ALPK1: variants seen among roughly 807,000 people sequenced by gnomAD.
ALPK1 encodes the protein alpha-protein kinase 1.
In ALPK1, 110 loss-of-function variants were observed where a neutral mutation model predicts 120.6. The observed-to-expected ratio is 0.91, with a 90% confidence interval of 0.78 to 1.07. ALPK1 has a LOEUF of 1.07. Ranked by LOEUF, ALPK1 falls within the 50% of genes least tolerant of loss-of-function variation. The pLI is 0.00. For missense variants in ALPK1, 1,498 were observed against 1,483.9 expected, an observed-to-expected ratio of 1.01 and a Z score of -0.16; for synonymous variants, 582 against 560.3, an observed-to-expected ratio of 1.04 and a Z score of -0.55.
chr4:112,349,539 G>A (rs1020902649), intron 2 of ALPK1, among the ~76,000 whole-genome samples: 4 of 111,642 alleles, frequency 3.6e-5, no homozygotes, highest in Middle Eastern at 4.6e-3. Context: ...TATTATTACC[G>A]CCCCAACCCC....
chr4:112,373,475 C>T (rs1156588498), intron 2 of ALPK1, among the ~76,000 whole-genome samples: 1 of 152,204 alleles, frequency 6.6e-6, no homozygotes, highest in African/African-American at 2.4e-5. Flanking sequence ...ACACCCAATC[C>T]ATGCAGAAAT....
chr4:112,330,616 C>T (rs182490090), intron 2 of ALPK1, among the ~76,000 whole-genome samples: 2 of 152,296 alleles, frequency 1.3e-5, no homozygotes, highest in Non-Finnish European at 2.9e-5. Context: ...CCCATGTGGC[C>T]TGTCCTTGGG....
Position 112,389,260 on chromosome 4 carries a change from A to G in ALPK1, c.276+6708A>G, listed in dbSNP as rs571717560. On this transcript the variant is annotated intron_variant, in intron 4 of 15. Transcript: ENST00000650871. ...GGGTTTCACCATGTTGGCCAGGATG[A>G]GCTCAATCTCCTGACCTTGTGATCC... Among the ~76,000 whole-genome samples the G allele has an allele frequency of 3.3e-5, 5 of 152,138 alleles. No homozygotes were observed. The South Asian group carries it at 1.0e-3, about 32-fold the overall frequency.
chr4:112,361,095 C>T (rs1560653270), intron 2 of ALPK1, among the ~76,000 whole-genome samples: 1 of 151,760 alleles, frequency 6.6e-6, no homozygotes, highest in Non-Finnish European at 1.5e-5. Context: ...GGAGGCAGGA[C>T]TAACTTGCAG....
chr4:112,406,830 C>T (rs977685416), intron 4 of ALPK1, among the ~76,000 whole-genome samples: 3 of 152,176 alleles, frequency 2.0e-5, no homozygotes, highest in African/African-American at 7.2e-5. Flanking sequence ...AAAAATCTCA[C>T]CAGATAGGTC....
At chr4:112,372,462 G>A (rs1049310318) in intron 2 of ALPK1, among the ~76,000 whole-genome samples, 1 of 152,002 alleles carries the variant, frequency 6.6e-6, no homozygotes, top group African/African-American at 2.4e-5. Context: ...ACCTGCATTG[G>A]CCTCCCAAAG....
At chr4:112,392,202 G>A (rs142733939) in intron 4 of ALPK1, among the ~76,000 whole-genome samples, 433 of 152,080 alleles carry the variant, frequency 2.8e-3, no homozygotes, top group Non-Finnish European at 5.1e-3. Context: ...AGTTCAATAG[G>A]TCCAAAACTG....
intron 10 of ALPK1, among the ~76,000 whole-genome samples, chr4:112,429,694 G>C (rs2148761467): frequency 6.6e-6 from 1 of 151,978 alleles, no homozygotes; most frequent in South Asian, 2.1e-4. Flanking sequence ...ATAAAAATTG[G>C]CCAGGTGTGG....
chr4:112,358,171 C>A, intron 2 of ALPK1: 4 of 620,694 alleles, frequency 6.4e-6, no homozygotes, highest in South Asian at 5.7e-5. Context: ...TGAACCAGGC[C>A]ATCGGGCAAG....
At chr4:112,432,675 A>G in intron 11 of ALPK1, 94 bp downstream of exon 11, 1 of 1,206,172 alleles carries the variant, frequency 8.3e-7, no homozygotes, top group Non-Finnish European at 1.2e-6. Context: ...AAAGCTCATG[A>G]AAGGTATAGA....
chr4:112,376,797 G>A (rs1731682102), intron 2 of ALPK1, among the ~76,000 whole-genome samples: 1 of 152,180 alleles, frequency 6.6e-6, no homozygotes, highest in African/African-American at 2.4e-5. Flanking sequence ...CCCTCCAGGA[G>A]TGTCTAAACC....
chr4:112,439,819 G>A lies in ALPK1; in HGVS notation c.3485G>A (p.Gly1162Asp). 1 of 1,611,492 alleles carries A rather than the reference G, an allele frequency of 6.2e-7. No homozygotes were observed. Among genetic ancestry groups the A allele is most frequent in the Non-Finnish European group, 8.5e-7 (1 of 1,179,352 alleles). The change falls in exon 14 of 16, where the codon GGC becomes GAC. Residue 1162 changes from glycine to aspartate, a missense_variant. Transcript: ENST00000650871. ...GCCACAGAATATGGCTTGGCCTATG[G>A]CCATTTTTCTTATGAGTTTTCTAAT... ...YKATEYGLAY[G>D]HFSYEFSNHR...
chr4:112,362,805 C>T (rs768654529), intron 2 of ALPK1, among the ~76,000 whole-genome samples: 12 of 152,054 alleles, frequency 7.9e-5, no homozygotes, highest in Non-Finnish European at 1.2e-4. Context: ...AAAGCCAAGA[C>T]GAAGGAAAGA....
chr4:112,415,155 T>A (rs1169174135), intron 5 of ALPK1: 2 of 152,138 alleles, frequency 1.3e-5, no homozygotes, highest in South Asian at 2.1e-4. Flanking sequence ...GTGTGGAGTC[T>A]GAATTTACTC....
In ALPK1 at chr4:112,432,366, G is replaced by T. The variant is rs202234442; in HGVS notation, c.2819G>T (p.Gly940Val). ...CTGAAATCACCTGCATTTTCCAGTG[G>T]TTCTTCTGAGGGGGACAGCCCTTGG... The part of the protein sequence containing the change: ...WWLKSPAFSS[G>V]SSEGDSPWSY... The change falls in exon 11 of 16, where the codon GGT becomes GTT. Residue 940 changes from glycine (G) to valine (V), a missense_variant. Transcript: ENST00000650871. 3.9e-4 allele frequency: 630 copies of T among 1,614,148 alleles called. No homozygotes were observed. Among genetic ancestry groups the T allele is most frequent in the African/African-American group, 1.5e-3 (111 of 75,040 alleles).
At chr4:112,411,779 C>T in intron 4 of ALPK1, 48 bp from the exon 5 acceptor site, 2 of 1,552,704 alleles carry the variant, frequency 1.3e-6, no homozygotes, top group South Asian at 1.2e-5. Flanking sequence ...GGCCCTCAGC[C>T]TGCCAGCGTT....
intron 2 of ALPK1, chr4:112,358,868 C>T: frequency 3.8e-6 from 3 of 779,228 alleles, no homozygotes; most frequent in South Asian, 1.3e-5. Flanking sequence ...GTTCCGATGA[C>T]TTTGCTGCCC....
Position 112,356,527 on chromosome 4 carries a change from C to G in ALPK1, c.-100-21151C>G, listed in dbSNP as rs560996573. Reference sequence around the variant, plus strand: ...AAAATTCAGAACACCTCCTACCGGCCTGAGGTGTGTGTGCTGGGCTCCCGG... The same window carrying G: ...AAAATTCAGAACACCTCCTACCGGCGTGAGGTGTGTGTGCTGGGCTCCCGG... On this transcript the variant is annotated intron_variant, in intron 2 of 15. Coordinates refer to ENST00000650871, the MANE Select transcript of ALPK1 (RefSeq NM_025144.4). 6 of 858,582 alleles carry G rather than the reference C, an allele frequency of 7.0e-6. No individual in the cohort carries two copies. The African/African-American group carries it at 8.3e-5, about 12-fold the overall frequency. 53.2% of individuals were successfully genotyped at this position (858,582 alleles called of 1,614,324 possible). A position where few individuals can be genotyped will look rare whatever the true frequency, so the allele number is the denominator to read the frequency against.
chr4:112,411,877 T>A lies in ALPK1; in HGVS notation c.327T>A (p.Ala109=). ...ILARDCAAAA[A]IVFLVDRFLY... is the part of the protein sequence containing the mutation. ...CTCGGGACTGTGCGGCTGCGGCGGC[T>A]ATTGTGTTCTTGGTGGACCGGTTCC... The change falls in exon 5 of 16, where the codon GCT becomes GCA. Residue 109 remains alanine (A), a synonymous_variant. Coordinates refer to ENST00000650871, the MANE Select transcript of ALPK1 (RefSeq NM_025144.4). 6.2e-7 allele frequency: 1 copy of A among 1,613,904 alleles called. No individual in the cohort carries two copies. The highest frequency in any genetic ancestry group is 8.5e-7 in the Non-Finnish European group (1 of 1,179,958).
Sources: allele counts gnomAD v4.1 joint callset (sites outside exome capture counted in the v4.1 genomes callset), GRCh38; gene constraint gnomAD v4.1.1; transcripts MANE v1.5; gene names NCBI Gene and HGNC (gene_info 2026-07-23, HGNC 2026-07-21).